Variants in MORC3 observed in about 807,000 individuals in gnomAD.
MORC3 encodes MORC family CW-type zinc finger protein 3.
MORC3 carries 31 observed loss-of-function variants against 109.1 expected under a neutral mutation model. The observed-to-expected ratio is 0.28, with a 90% confidence interval of 0.21 to 0.38. The LOEUF (loss-of-function observed/expected upper bound fraction) is 0.38. Among genes scored for constraint, MORC3 ranks in the 10% least tolerant of loss-of-function variants. MORC3 has a pLI of 1.00. For synonymous variants in MORC3, 395 were observed against 380.7 expected, an observed-to-expected ratio of 1.04 and a Z score of -0.44; for missense variants, 867 against 1,135.8, an observed-to-expected ratio of 0.76 and a Z score of 3.40.
intron 13 of MORC3, 78 bp downstream of exon 13, chr21:36,362,306 G>A: frequency 1.4e-6 from 2 of 1,472,820 alleles, no homozygotes; most frequent in Non-Finnish European, 9.2e-7. Context: ...ATTTTGGGAG[G>A]CCGAGGCAGG....
At chr21:36,328,453 C>T (rs945957738) in intron 1 of MORC3, among the ~76,000 whole-genome samples, 6 of 151,608 alleles carry the variant, frequency 4.0e-5, no homozygotes, top group Non-Finnish European at 8.8e-5. Flanking sequence ...GTGATTCTCC[C>T]GCTTCAGCCT....
intron 14 of MORC3, among the ~76,000 whole-genome samples, chr21:36,366,371 T>C (rs1298953496): frequency 2.0e-5 from 3 of 152,230 alleles, no homozygotes; most frequent in Non-Finnish European, 2.9e-5. Flanking sequence ...ATTATTTCTT[T>C]CTTTTTTATG....
At chr21:36,360,137 G>C in intron 11 of MORC3, 47 bp from the exon 12 acceptor site, 1 of 1,613,998 alleles carries the variant, frequency 6.2e-7, no homozygotes, top group Non-Finnish European at 8.5e-7. Context: ...CACAGTGTAT[G>C]AATAGGCGCT....
intron 1 of MORC3, among the ~76,000 whole-genome samples, chr21:36,330,866 T>G (rs1438682815): frequency 6.6e-6 from 1 of 152,206 alleles, no homozygotes; most frequent in African/African-American, 2.4e-5. Flanking sequence ...TTAGTTTCAT[T>G]AAGAACTGTT....
chr21:36,371,815 G>GTT (rs545030354), intron 15 of MORC3, among the ~76,000 whole-genome samples: 12 of 124,262 alleles, frequency 9.7e-5, no homozygotes, highest in Non-Finnish European at 1.6e-4. Flanking sequence ...GTTTTGTTTT[G>GTT]TTTTTTTTTT....
At chr21:36,338,659 AC>A (rs1292028982) in intron 4 of MORC3, 114 bp from the exon 5 acceptor site, 12 of 1,065,694 alleles carry the variant, frequency 1.1e-5, no homozygotes, top group Admixed American at 5.9e-5. Flanking sequence ...AAAAAAAAAA[AC>A]CTTAGAAAAT....
intron 9 of MORC3, among the ~76,000 whole-genome samples, chr21:36,351,305 A>G (rs1398598319): frequency 1.3e-5 from 2 of 151,956 alleles, no homozygotes; most frequent in African/African-American, 2.4e-5. Flanking sequence ...TGACCTTGTG[A>G]TCCACCCGCC....
At chr21:36,369,921 T>G in intron 15 of MORC3, 45 bp downstream of exon 15, 1 of 1,578,888 alleles carries the variant, frequency 6.3e-7, no homozygotes, top group Non-Finnish European at 8.6e-7. Flanking sequence ...CCAGGGCCAT[T>G]TAAACCTTAA....
intron 10 of MORC3, among the ~76,000 whole-genome samples, chr21:36,358,098 A>G (rs1414271907): frequency 6.6e-6 from 1 of 152,022 alleles, no homozygotes; most frequent in Admixed American, 6.6e-5. Flanking sequence ...TTTAAAAAGC[A>G]GGCCAGGTAC....
chr21:36,370,470 C>CT, intron 15 of MORC3, among the ~76,000 whole-genome samples: 1 of 151,474 alleles, frequency 6.6e-6, no homozygotes, highest in Middle Eastern at 3.4e-3. Flanking sequence ...TAATTATGTT[C>CT]TTTTTTGGGC....
chr21:36,338,085 C>T (rs1275799625), intron 4 of MORC3, 139 bp downstream of exon 4: 7 of 819,696 alleles, frequency 8.5e-6, no homozygotes, highest in African/African-American at 3.5e-5. Flanking sequence ...TCTGCATTTA[C>T]CCTACACCTG....
chr21:36,357,655 TTATAAAG>T (rs1445003031), intron 10 of MORC3, among the ~76,000 whole-genome samples: 1 of 152,000 alleles, frequency 6.6e-6, no homozygotes, highest in Non-Finnish European at 1.5e-5. Context: ...GACAAGGAGT[TTATAAAG>T]TATAAAGTTA....
intron 8 of MORC3, chr21:36,347,756 AG>A (rs1339663998): frequency 1.3e-5 from 2 of 152,228 alleles, no homozygotes; most frequent in African/African-American, 4.8e-5. Context: ...AAAGTCTGGA[AG>A]GGCTTTCCAG....
At chr21:36,360,300 TC>T (rs745598976) in intron 12 of MORC3, 42 bp downstream of exon 12, 1 of 1,542,642 alleles carries the variant, frequency 6.5e-7, no homozygotes, top group South Asian at 1.1e-5. Flanking sequence ...AATGCCCAGA[TC>T]ATGAACAGTG....
chr21:36,320,770 C>T (rs990371149), intron 1 of MORC3: 3 of 161,520 alleles, frequency 1.9e-5, no homozygotes, highest in Non-Finnish European at 4.0e-5. Flanking sequence ...CGAGTGGAGT[C>T]AGGATGAGTG....
intron 2 of MORC3, among the ~76,000 whole-genome samples, chr21:36,334,242 A>G (rs1360478238): frequency 6.6e-6 from 1 of 152,092 alleles, no homozygotes; most frequent in Non-Finnish European, 1.5e-5. Flanking sequence ...GCAGGCGACA[A>G]AGCAAGAAAA....
chr21:36,352,319 G>T (rs2085581516), intron 9 of MORC3, among the ~76,000 whole-genome samples: 1 of 151,666 alleles, frequency 6.6e-6, no homozygotes, highest in South Asian at 2.1e-4. Context: ...CCTTAGAAGG[G>T]TGGGAGAGTT....
chr21:36,349,293 T>G lies in MORC3; in HGVS notation c.1006-18T>G. On this transcript the variant is annotated intron_variant, in intron 8 of 16. Coordinates refer to ENST00000400485, the MANE Select transcript of MORC3 (RefSeq NM_015358.3). Reference sequence around the variant, plus strand: ...CATGTCTTATGCTTAAAATGCTGATTTCATTTTATTTTTTCAGGCAAACAA... The same window carrying G: ...CATGTCTTATGCTTAAAATGCTGATGTCATTTTATTTTTTCAGGCAAACAA... 6.4e-7 allele frequency: 1 copy of G among 1,559,962 alleles called. No individual in the cohort carries two copies. The highest frequency in any genetic ancestry group is 8.8e-7 in the Non-Finnish European group (1 of 1,137,568).
chr21:36,321,433 G>C (rs2085192461), intron 1 of MORC3, among the ~76,000 whole-genome samples: 1 of 151,852 alleles, frequency 6.6e-6, no homozygotes, highest in South Asian at 2.1e-4. Context: ...TTATTGATTT[G>C]TAAGAGTTCT....
Sources: gnomAD v4.1 joint callset for allele counts (sites outside exome capture counted in the v4.1 genomes callset) on GRCh38, gnomAD v4.1.1 for gene constraint, MANE v1.5 for transcripts, NCBI Gene and HGNC (gene_info 2026-07-23, HGNC 2026-07-21) for gene names.